EML6: variants seen among roughly 807,000 people sequenced by gnomAD.
EML6 encodes echinoderm microtubule-associated protein-like 6.
In EML6, 154 loss-of-function variants were observed where a neutral mutation model predicts 240.1. The ratio of observed to expected loss-of-function variants is 0.64; its 90% CI spans 0.56 to 0.73. The LOEUF (loss-of-function observed/expected upper bound fraction) is 0.73. Among genes scored for constraint, EML6 ranks in the 30% least tolerant of loss-of-function variants. EML6 has a pLI of 0.00. For synonymous variants in EML6, 1,148 were observed against 899.0 expected (o/e 1.28, Z -4.95); for missense variants, 2,964 against 2,474.6 (o/e 1.20, Z -4.20).
At chr2:54,944,056 A>T (rs149000165) in intron 28 of EML6, among the ~76,000 whole-genome samples, 5 of 151,818 alleles carry the variant, frequency 3.3e-5, no homozygotes, top group South Asian at 2.1e-4. Flanking sequence ...AGCCCCTTAC[A>T]TGCTGTTGGT....
chr2:54,803,886 C>T (rs17345167), intron 2 of EML6, among the ~76,000 whole-genome samples: 26,666 of 152,156 alleles, frequency 0.18, 2,545 homozygotes, highest in Admixed American at 0.29. Context: ...ACTCACGGAC[C>T]GGGCACCATC....
At chr2:54,849,419 T>G (rs986200695) in intron 9 of EML6, among the ~76,000 whole-genome samples, 4 of 152,204 alleles carry the variant, frequency 2.6e-5, no homozygotes, top group Non-Finnish European at 5.9e-5. Flanking sequence ...ATCACAAATA[T>G]GCACTTAATT....
chr2:54,863,043 A>T (rs904038425), intron 12 of EML6, among the ~76,000 whole-genome samples: 2 of 152,200 alleles, frequency 1.3e-5, no homozygotes, highest in Admixed American at 1.3e-4. Flanking sequence ...GTGGACATGT[A>T]TGTAGTCTTT....
At chr2:54,879,496 G>A (rs980321493) in intron 16 of EML6, 51 bp from the exon 17 acceptor site, 3 of 1,201,754 alleles carry the variant, frequency 2.5e-6, no homozygotes, top group South Asian at 1.3e-5. Flanking sequence ...TGTATGAAAT[G>A]TTTTGTTTTT....
At chr2:54,887,020 T>C (rs1056584534) in intron 17 of EML6, among the ~76,000 whole-genome samples, 2 of 152,226 alleles carry the variant, frequency 1.3e-5, no homozygotes, top group African/African-American at 4.8e-5. Flanking sequence ...CTTTTTATTA[T>C]TCCCATTATC....
At chr2:54,750,181 T>G (rs1396846375) in intron 2 of EML6, among the ~76,000 whole-genome samples, 1 of 152,168 alleles carries the variant, frequency 6.6e-6, no homozygotes, top group Non-Finnish European at 1.5e-5. Context: ...GGGCCCGATA[T>G]TTGGCTTTTG....
intron 4 of EML6, among the ~76,000 whole-genome samples, chr2:54,819,743 C>T (rs953748665): frequency 1.4e-5 from 2 of 147,262 alleles, no homozygotes; most frequent in African/African-American, 5.0e-5. Context: ...CCACTGCACT[C>T]CAGCCTGGTG....
chr2:54,871,427 T>C (rs1398534589), intron 15 of EML6, 73 bp from the exon 16 acceptor site: 7 of 1,161,310 alleles, frequency 6.0e-6, no homozygotes, highest in South Asian at 1.3e-5. Context: ...CTGAGCAGTG[T>C]TGGACTCTAA....
At chr2:54,798,054 A>G (rs1033734733) in intron 2 of EML6, among the ~76,000 whole-genome samples, 10 of 152,230 alleles carry the variant, frequency 6.6e-5, no homozygotes, top group African/African-American at 9.6e-5. Context: ...AATTTCGATT[A>G]GGATTGCAAT....
At chr2:54,836,122 C>T (rs1345360954) in intron 7 of EML6, among the ~76,000 whole-genome samples, 1 of 152,166 alleles carries the variant, frequency 6.6e-6, no homozygotes, top group Non-Finnish European at 1.5e-5. Flanking sequence ...AGGCCCGAGC[C>T]TCAGGAGCTG....
chr2:54,802,607 G>C (rs1670214860), intron 2 of EML6, among the ~76,000 whole-genome samples: 1 of 141,674 alleles, frequency 7.1e-6, no homozygotes, highest in African/African-American at 2.6e-5. Flanking sequence ...AACAGAGTGA[G>C]ACCCTGTCTC....
intron 28 of EML6, among the ~76,000 whole-genome samples, chr2:54,945,902 C>T (rs956318277): frequency 1.3e-5 from 2 of 152,218 alleles, no homozygotes; most frequent in Non-Finnish European, 2.9e-5. Flanking sequence ...CATGATCCTG[C>T]CCTGCCCACA....
At chr2:54,800,991 T>C (rs1326334064) in intron 2 of EML6, among the ~76,000 whole-genome samples, 1 of 152,142 alleles carries the variant, frequency 6.6e-6, no homozygotes, top group East Asian at 1.9e-4. Context: ...TCCTTGAATT[T>C]TCTTAGCCCT....
intron 2 of EML6, among the ~76,000 whole-genome samples, chr2:54,794,084 T>C (rs888680809): frequency 6.6e-6 from 1 of 152,120 alleles, no homozygotes; most frequent in African/African-American, 2.4e-5. Flanking sequence ...ATATTCCATA[T>C]ATTATCTCAA....
At chr2:54,835,452 G>C (rs1669091883) in intron 7 of EML6, among the ~76,000 whole-genome samples, 1 of 152,160 alleles carries the variant, frequency 6.6e-6, no homozygotes, top group South Asian at 2.1e-4. Context: ...CAGATAACTT[G>C]GTTTCTTTGT....
intron 28 of EML6, among the ~76,000 whole-genome samples, chr2:54,945,107 C>T (rs1200442853): frequency 3.4e-5 from 4 of 116,008 alleles, no homozygotes; most frequent in African/African-American, 1.4e-4. Flanking sequence ...CTCTCCCACT[C>T]CTCCCTCTCT....
chr2:54,805,478 T>C (rs1670420623), intron 2 of EML6, among the ~76,000 whole-genome samples: 1 of 152,222 alleles, frequency 6.6e-6, no homozygotes, highest in Non-Finnish European at 1.5e-5. Context: ...TATCAGTCTT[T>C]TTAATTTTAG....
chr2:54,935,690 G>A (rs966779902), intron 28 of EML6, among the ~76,000 whole-genome samples: 1 of 152,180 alleles, frequency 6.6e-6, no homozygotes, highest in East Asian at 1.9e-4. Flanking sequence ...TTCACATTAT[G>A]TTTTGTTATT....
rs1010917337 is a variant in EML6, at chr2:54,850,166, A to T, written c.1392A>T (p.Lys464Asn). ...ITHIDWSLDSKYLQTNDGAGE... is the reference protein window; with the variant it reads ...ITHIDWSLDSNYLQTNDGAGE... ...ATATTGACTGGTCCTTGGATAGTAA[A>T]TACTTACAAACTAATGACGGTGCAG... is the stretch of plus-strand genomic sequence containing the variant. The change falls in exon 10 of 42, where the codon AAA (lysine) becomes AAT (asparagine). Residue 464 changes from lysine (K) to asparagine (N), a missense_variant. Transcript: ENST00000356458. 5 of 1,551,580 alleles carry T rather than the reference A, an allele frequency of 3.2e-6. No individual in the cohort carries two copies. The African/African-American group carries it at 6.8e-5, about 21-fold the overall frequency.
Sources: allele counts gnomAD v4.1 joint callset (sites outside exome capture counted in the v4.1 genomes callset), GRCh38; gene constraint gnomAD v4.1.1; transcripts MANE v1.5; gene names NCBI Gene and HGNC (gene_info 2026-07-23, HGNC 2026-07-21).